The following TENM2 variants were observed in gnomAD, a reference collection of about 807,000 sequenced individuals.
TENM2 encodes teneurin transmembrane protein 2, also known as teneurin-2.
Under a neutral mutation model 245.2 loss-of-function variants are expected in TENM2, and 52 were observed. That is an observed-to-expected ratio of 0.21 (90% CI 0.17 to 0.27). TENM2 has a LOEUF of 0.27. Ranked by LOEUF, TENM2 falls within the 10% of genes least tolerant of loss-of-function variation. TENM2 has a pLI of 1.00. For missense variants in TENM2, 3,046 were observed against 3,666.8 expected (o/e 0.83, Z 4.37); for synonymous variants, 1,363 against 1,438.9 (o/e 0.95, Z 1.19).
chr5:167,117,115 G>A, the TENM2 span, among the ~76,000 whole-genome samples: 1 of 152,342 alleles, frequency 6.6e-6, no homozygotes, highest in African/African-American at 2.4e-5. Context: ...CCTTGCAAAA[G>A]TGAATCTAAA....
intron 2 of TENM2, among the ~76,000 whole-genome samples, chr5:167,464,397 C>T (rs1766516074): frequency 6.6e-6 from 1 of 152,126 alleles, no homozygotes; most frequent in African/African-American, 2.4e-5. Context: ...TATAGATAGC[C>T]TCTTTGTACA....
At chr5:167,939,147 A>G (rs1434728218) in intron 3 of TENM2, among the ~76,000 whole-genome samples, 1 of 152,112 alleles carries the variant, frequency 6.6e-6, no homozygotes, top group Non-Finnish European at 1.5e-5. Flanking sequence ...AGCATTCCTC[A>G]ACCTTTTTGG....
At chr5:167,030,655 T>C in the TENM2 span, among the ~76,000 whole-genome samples, 10 of 152,184 alleles carry the variant, frequency 6.6e-5, no homozygotes, top group East Asian at 9.7e-4. Flanking sequence ...GTTTACATCT[T>C]CCTTTCTACT....
At chr5:167,819,792 A>G (rs980988876) in intron 2 of TENM2, among the ~76,000 whole-genome samples, 3 of 152,156 alleles carry the variant, frequency 2.0e-5, no homozygotes, top group African/African-American at 7.2e-5. Context: ...TGAGGACAGA[A>G]TCATTGCTCT....
chr5:167,053,864 T>C, the TENM2 span, among the ~76,000 whole-genome samples: 1 of 152,132 alleles, frequency 6.6e-6, no homozygotes, highest in African/African-American at 2.4e-5. Context: ...TTTTGAAAGT[T>C]TTATTTTTAT....
At chr5:167,741,346 T>A (rs187377116) in intron 2 of TENM2, among the ~76,000 whole-genome samples, 48 of 152,204 alleles carry the variant, frequency 3.2e-4, no homozygotes, top group African/African-American at 1.2e-3. Context: ...GAAAATAGGG[T>A]TAAGAAAGGA....
At chr5:167,727,303 G>A (rs888333856) in intron 2 of TENM2, among the ~76,000 whole-genome samples, 5 of 151,868 alleles carry the variant, frequency 3.3e-5, no homozygotes, top group African/African-American at 9.7e-5. Flanking sequence ...TAGTAGAGAC[G>A]GGGTTTCACC....
the TENM2 span, among the ~76,000 whole-genome samples, chr5:167,278,758 T>TA: frequency 6.6e-6 from 1 of 152,148 alleles, no homozygotes; most frequent in Non-Finnish European, 1.5e-5. Context: ...ATTCTCTACA[T>TA]ACGTTTAGAA....
intron 8 of TENM2, among the ~76,000 whole-genome samples, chr5:168,097,768 C>T (rs1303552071): frequency 6.6e-6 from 1 of 152,072 alleles, no homozygotes; most frequent in African/African-American, 2.4e-5. Context: ...GTAGTTTATT[C>T]TTAAAAAGTG....
intron 7 of TENM2, among the ~76,000 whole-genome samples, chr5:168,084,055 G>C (rs1792233001): frequency 6.6e-6 from 1 of 152,154 alleles, no homozygotes; most frequent in South Asian, 2.1e-4. Context: ...TCCTTAGAAT[G>C]ATGGCCTCCA....
chr5:167,017,896 G>GGA, the TENM2 span, among the ~76,000 whole-genome samples: 1 of 152,080 alleles, frequency 6.6e-6, no homozygotes, highest in African/African-American at 2.4e-5. Context: ...TGACTTGTTC[G>GGA]GAGATGACAA....
At chr5:167,369,862 CATGAT>C (rs1199685562) in intron 1 of TENM2, among the ~76,000 whole-genome samples, 1 of 152,112 alleles carries the variant, frequency 6.6e-6, no homozygotes, top group Non-Finnish European at 1.5e-5. Flanking sequence ...ATTACCATGA[CATGAT>C]AATTCTGACT....
chr5:167,810,379 C>T (rs1297661793), intron 2 of TENM2, among the ~76,000 whole-genome samples: 1 of 152,014 alleles, frequency 6.6e-6, no homozygotes, highest in Non-Finnish European at 1.5e-5. Flanking sequence ...TTCCAATTGT[C>T]ACTGTTTGGG....
chr5:168,038,528 C>T (rs1206574818), intron 5 of TENM2, among the ~76,000 whole-genome samples: 1 of 152,162 alleles, frequency 6.6e-6, no homozygotes. Flanking sequence ...TCTAGGTTTA[C>T]TGTAAAGAGC....
chr5:168,130,131 A>G (rs1754440879), intron 12 of TENM2: 2 of 152,246 alleles, frequency 1.3e-5, no homozygotes, highest in African/African-American at 4.8e-5. Context: ...GGACACAAGG[A>G]CAGACTTCTA....
chr5:167,912,672 G>A (rs1185687782), intron 3 of TENM2, among the ~76,000 whole-genome samples: 1 of 152,164 alleles, frequency 6.6e-6, no homozygotes, highest in East Asian at 1.9e-4. Flanking sequence ...TCATGGGCAT[G>A]CCAAAAATGT....
intron 2 of TENM2, among the ~76,000 whole-genome samples, chr5:167,805,809 T>C (rs1260525270): frequency 1.3e-5 from 2 of 152,146 alleles, no homozygotes; most frequent in Admixed American, 1.3e-4. Context: ...AGTTTATTTA[T>C]CCAAAGTCTG....
At chr5:168,237,650 A>C (rs992648675) in intron 25 of TENM2, among the ~76,000 whole-genome samples, 12 of 152,188 alleles carry the variant, frequency 7.9e-5, no homozygotes, top group African/African-American at 2.7e-4. Flanking sequence ...CAAGTCATCC[A>C]AACATAATGT....
At chr5:168,236,473 T>C (rs372508387) in intron 25 of TENM2, among the ~76,000 whole-genome samples, 7 of 152,110 alleles carry the variant, frequency 4.6e-5, no homozygotes, top group African/African-American at 1.7e-4. Flanking sequence ...TCTCCCTGAT[T>C]CTTCTCCCAC....
Sources: gnomAD v4.1 joint callset for allele counts (sites outside exome capture counted in the v4.1 genomes callset) on GRCh38, gnomAD v4.1.1 for gene constraint, MANE v1.5 for transcripts, NCBI Gene and HGNC (gene_info 2026-07-23, HGNC 2026-07-21) for gene names.